TRPS1: variants seen among roughly 807,000 people sequenced by gnomAD.
The protein encoded by TRPS1 is zinc finger transcription factor Trps1.
Under a neutral mutation model 101.2 loss-of-function variants are expected in TRPS1, and 6 were observed. The observed-to-expected ratio is 0.06, with a 90% CI of 0.03 to 0.12. TRPS1 has a LOEUF of 0.12. Among genes scored for constraint, TRPS1 ranks in the 10% least tolerant of loss-of-function variants. The pLI is 1.00. For missense variants in TRPS1, 1,363 were observed against 1,567.0 expected (o/e 0.87, Z 2.20); for synonymous variants, 578 against 589.8 (o/e 0.98, Z 0.29).
intron 5 of TRPS1, among the ~76,000 whole-genome samples, chr8:115,489,874 T>C (rs1814977143): frequency 6.6e-6 from 1 of 152,134 alleles, no homozygotes; most frequent in Admixed American, 6.5e-5. Flanking sequence ...AATATGGGTT[T>C]CTCAATCCAT....
rs1814998763 is a variant in TRPS1, at chr8:115,490,673, G to C, written c.2701-72221C>G. 7.2e-5 allele frequency among the ~76,000 whole-genome samples: 11 copies of C among 152,110 alleles called. 1 individual carries two copies. The highest frequency in any genetic ancestry group is 7.2e-4 in the Admixed American group (11 of 15,268). On this transcript the variant is annotated intron_variant, in intron 5 of 6. Coordinates refer to ENST00000395715, the MANE Select transcript of TRPS1 (RefSeq NM_014112.5). Reference sequence around the variant, plus strand: ...ATTGTTATTGCTAACATTCACAGGTGTATCAGCCCAAAGAATTCGATTGTC... The same window carrying C: ...ATTGTTATTGCTAACATTCACAGGTCTATCAGCCCAAAGAATTCGATTGTC...
chr8:115,570,877 T>G (rs1298662166), intron 5 of TRPS1, among the ~76,000 whole-genome samples: 1 of 152,184 alleles, frequency 6.6e-6, no homozygotes, highest in Non-Finnish European at 1.5e-5. Flanking sequence ...AAACTCAGCA[T>G]GTCTGTTCAT....
chr8:115,424,396 T>C (rs1157288521), intron 5 of TRPS1, among the ~76,000 whole-genome samples: 1 of 152,236 alleles, frequency 6.6e-6, no homozygotes, highest in Non-Finnish European at 1.5e-5. Flanking sequence ...ATTAAGTCAA[T>C]TAAGTTCTGG....
chr8:115,423,672 C>T (rs921906794), intron 5 of TRPS1, among the ~76,000 whole-genome samples: 1 of 152,170 alleles, frequency 6.6e-6, no homozygotes, highest in Non-Finnish European at 1.5e-5. Flanking sequence ...CTAACACCAA[C>T]ATGCGGGTAA....
chr8:115,605,043 T>C (rs1407899208), intron 3 of TRPS1, 41 bp from the exon 4 acceptor site: 1 of 1,597,840 alleles, frequency 6.3e-7, no homozygotes, highest in East Asian at 2.2e-5. Flanking sequence ...CAAGGTGTCA[T>C]TAATTCAATG....
intron 5 of TRPS1, among the ~76,000 whole-genome samples, chr8:115,578,710 T>C (rs1470735891): frequency 1.3e-5 from 2 of 152,110 alleles, no homozygotes; most frequent in Admixed American, 6.6e-5. Context: ...AAAGGATACA[T>C]TAGATGCCAA....
At chr8:115,575,829 A>G (rs972267579) in intron 5 of TRPS1, among the ~76,000 whole-genome samples, 1 of 152,164 alleles carries the variant, frequency 6.6e-6, no homozygotes, top group Non-Finnish European at 1.5e-5. Context: ...CACATCCATT[A>G]AACAGAGTTT....
intron 5 of TRPS1, among the ~76,000 whole-genome samples, chr8:115,493,596 G>A (rs1049053837): frequency 2.0e-5 from 3 of 151,706 alleles, no homozygotes; most frequent in Admixed American, 6.6e-5. Context: ...TGATCCACCC[G>A]CCTCAGCCTC....
rs143761301 is a variant in TRPS1 at position 115,539,364 on chromosome 8, C to G, written c.2700+47637G>C. Among the ~76,000 whole-genome samples, 507 of 152,324 alleles carry G rather than the reference C, an allele frequency of 3.3e-3. 2 individuals carry two copies. Among genetic ancestry groups the G allele is most frequent in the African/African-American group, 0.012 (498 of 41,572 alleles). ...TCTAACTCAATCTATTTAGCTTCAG[C>G]TATCTAATTTTTGCACCATTTCTAA... On this transcript the variant is annotated intron_variant, in intron 5 of 6. Transcript: ENST00000395715.
chr8:115,547,359 G>A (rs149805260), intron 5 of TRPS1, among the ~76,000 whole-genome samples: 45 of 151,126 alleles, frequency 3.0e-4, no homozygotes, highest in African/African-American at 1.0e-3. Context: ...CTGCCTCTCC[G>A]TCTTTTTAAC....
At chr8:115,506,091 T>A (rs1207066802) in intron 5 of TRPS1, among the ~76,000 whole-genome samples, 1 of 152,108 alleles carries the variant, frequency 6.6e-6, no homozygotes, top group Non-Finnish European at 1.5e-5. Context: ...AAGTTATTTA[T>A]CTTGTTAATG....
intron 5 of TRPS1, among the ~76,000 whole-genome samples, chr8:115,512,481 T>C (rs568206327): frequency 2.0e-5 from 3 of 151,658 alleles, no homozygotes; most frequent in Non-Finnish European, 4.4e-5. Flanking sequence ...TGTATCATTC[T>C]TCCCTCTAAA....
intron 5 of TRPS1, among the ~76,000 whole-genome samples, chr8:115,473,934 AG>A (rs1217674713): frequency 6.6e-6 from 1 of 152,156 alleles, no homozygotes; most frequent in Non-Finnish European, 1.5e-5. Flanking sequence ...TGCCCTAAGG[AG>A]TTCTTCAGTT....
rs543865822 is a variant in TRPS1 at position 115,503,105 on chromosome 8, T to C, written c.2700+83896A>G. On this transcript the variant is annotated intron_variant, in intron 5 of 6. Coordinates refer to ENST00000395715, the MANE Select transcript of TRPS1 (RefSeq NM_014112.5). Reference sequence around the variant, plus strand: ...GATGAAACCCCACTTCTACAAAAAATTACCTGGGCGTGGTGGCGGGCGCTT... The same window carrying C: ...GATGAAACCCCACTTCTACAAAAAACTACCTGGGCGTGGTGGCGGGCGCTT... Among the ~76,000 whole-genome samples, 18 of 151,796 alleles carry C rather than the reference T, an allele frequency of 1.2e-4. 1 individual carries two copies. The South Asian group carries it at 3.1e-3, about 26-fold the overall frequency.
chr8:115,590,066 G>A (rs1421668185), intron 4 of TRPS1, among the ~76,000 whole-genome samples: 2 of 152,070 alleles, frequency 1.3e-5, no homozygotes, highest in African/African-American at 2.4e-5. Context: ...GCAGTGAGCC[G>A]AGATCACGAC....
chr8:115,565,469 A>G (rs879538377), intron 5 of TRPS1, among the ~76,000 whole-genome samples: 6 of 134,844 alleles, frequency 4.4e-5, no homozygotes, highest in African/African-American at 9.1e-5. Flanking sequence ...ATTTAATTGC[A>G]TTGGAAAAAA....
chr8:115,615,015 T>C (rs1818246344), intron 3 of TRPS1, among the ~76,000 whole-genome samples: 1 of 152,172 alleles, frequency 6.6e-6, no homozygotes. Context: ...GCTTCTAACA[T>C]GACATATTGT....
chr8:115,594,628 A>AT (rs5894278), intron 4 of TRPS1, among the ~76,000 whole-genome samples: 152,118 of 152,118 alleles, frequency 1, 76,059 homozygotes, highest in Non-Finnish European at 1. Flanking sequence ...TGTTATTCTT[A>AT]TCTACTTTAT....
At chr8:115,586,061 TG>T (rs1817554291) in intron 5 of TRPS1, among the ~76,000 whole-genome samples, 1 of 152,218 alleles carries the variant, frequency 6.6e-6, no homozygotes, top group East Asian at 1.9e-4. Flanking sequence ...TCAAAGCACC[TG>T]GCTAATGGAA....
Sources: allele counts gnomAD v4.1 joint callset (sites outside exome capture counted in the v4.1 genomes callset), GRCh38; gene constraint gnomAD v4.1.1; transcripts MANE v1.5; gene names NCBI Gene and HGNC (gene_info 2026-07-23, HGNC 2026-07-21).